Variants in FOLH1 observed in about 807,000 individuals in gnomAD.
FOLH1 encodes glutamate carboxypeptidase 2.
A neutral mutation model predicts 93.9 loss-of-function variants in FOLH1; 54 were observed. The ratio of observed to expected loss-of-function variants is 0.57; its 90% CI spans 0.46 to 0.72. The LOEUF (loss-of-function observed/expected upper bound fraction) is 0.72. Ranked by LOEUF, FOLH1 falls within the 30% of genes least tolerant of loss-of-function variation. The pLI, the probability that FOLH1 is intolerant of heterozygous loss-of-function variation, is 0.00. For synonymous variants in FOLH1, 249 were observed against 303.6 expected (o/e 0.82, Z 1.87); for missense variants, 571 against 892.5 (o/e 0.64, Z 4.59).
Position 49,208,493 on chromosome 11 carries a change from A to G in FOLH1, c.-84T>C. 1 of 929,972 alleles carries G rather than the reference A, an allele frequency of 1.1e-6. No homozygotes were observed. Among genetic ancestry groups the G allele is most frequent in the Non-Finnish European group, 1.6e-6 (1 of 613,152 alleles). 57.6% of individuals were successfully genotyped at this position (929,972 alleles called of 1,614,324 possible). A position where few individuals can be genotyped will look rare whatever the true frequency, so the allele number is the denominator to read the frequency against. On this transcript the variant is annotated 5_prime_UTR_variant, in exon 1 of 19. Transcript: ENST00000256999. ...CGCCCTCCAACCACCACGGCGGGGTAAAGTCTCTCTCAATCTCACTAATGC... is the reference window on the plus strand; with the variant it reads ...CGCCCTCCAACCACCACGGCGGGGTGAAGTCTCTCTCAATCTCACTAATGC...
intron 17 of FOLH1, among the ~76,000 whole-genome samples, chr11:49,152,029 T>C (rs1856558515): frequency 6.6e-6 from 1 of 152,148 alleles, no homozygotes; most frequent in South Asian, 2.1e-4. Context: ...TAAATAAAAA[T>C]TAATCAAATT....
intron 4 of FOLH1, among the ~76,000 whole-genome samples, chr11:49,190,091 A>G (rs1369264817): frequency 1.3e-5 from 2 of 152,202 alleles, no homozygotes; most frequent in African/African-American, 2.4e-5. Context: ...CAAAGTCATT[A>G]ACCAATGTGA....
intron 13 of FOLH1, among the ~76,000 whole-genome samples, chr11:49,162,424 C>G (rs1253382673): frequency 6.6e-6 from 1 of 152,054 alleles, no homozygotes; most frequent in African/African-American, 2.4e-5. Context: ...ATACTTGTGA[C>G]AGCATTTGTA....
In FOLH1 at chr11:49,146,849, G is replaced by A. The variant is rs1423032082; in HGVS notation, c.2160C>T (p.Asp720=). The A allele has an allele frequency of 6.2e-7, 1 of 1,613,392 alleles. No homozygotes were observed. Among genetic ancestry groups the A allele is most frequent in the Non-Finnish European group, 8.5e-7 (1 of 1,179,688 alleles). The change falls in exon 19 of 19, where the codon GAC becomes GAT. Residue 720 remains aspartate (D), a synonymous_variant. Coordinates refer to ENST00000256999, the MANE Select transcript of FOLH1 (RefSeq NM_004476.3). ...DALFDIESKV[D]PSKAWGEVKR... is the part of the protein sequence containing the mutation. ...TCACTTCTCCCCAGGCCTTGGAAGG[G>A]TCCACTTTGCTTTCAATATCAAACA...
At chr11:49,187,034 C>G (rs1861466738) in intron 4 of FOLH1, among the ~76,000 whole-genome samples, 1 of 149,254 alleles carries the variant, frequency 6.7e-6, no homozygotes, top group African/African-American at 2.4e-5. Flanking sequence ...GCTACAGAAG[C>G]ACCCCCCCCA....
rs757391966 is a variant in FOLH1 at position 49,169,185 on chromosome 11, C to T, written c.1372+10G>A. On this transcript the variant is annotated intron_variant, in intron 12 of 18. Transcript: ENST00000256999. The stretch of plus-strand genomic sequence containing the variant: ...ATCACATCTTTTCTTATGAGACCAA[C>T]GATATTCACCTTCTATAGATGAGTC... 1.5e-5 allele frequency: 24 copies of T among 1,612,336 alleles called. No individual in the cohort carries two copies. Among genetic ancestry groups the T allele is most frequent in the Middle Eastern group, 3.3e-4 (2 of 6,070 alleles).
intron 17 of FOLH1, among the ~76,000 whole-genome samples, chr11:49,149,857 A>G (rs1462003060): frequency 6.6e-6 from 1 of 152,206 alleles, no homozygotes; most frequent in Non-Finnish European, 1.5e-5. Context: ...CTTGAAAATA[A>G]AAGATTTAAT....
chr11:49,167,193 A>G (rs1186106923), intron 12 of FOLH1, among the ~76,000 whole-genome samples: 1 of 152,230 alleles, frequency 6.6e-6, no homozygotes, highest in Non-Finnish European at 1.5e-5. Context: ...AGTAGGTGTA[A>G]TGATACTAAT....
intron 11 of FOLH1, 134 bp downstream of exon 11, chr11:49,171,061 G>A (rs1859198856): frequency 9.7e-6 from 10 of 1,033,068 alleles, no homozygotes; most frequent in Non-Finnish European, 1.3e-5. Flanking sequence ...ACAAGAATAT[G>A]TTACTTCAGA....
Position 49,183,773 on chromosome 11 carries a change from G to A in FOLH1, c.827-531C>T, listed in dbSNP as rs186146323. Among the ~76,000 whole-genome samples the A allele has an allele frequency of 3.3e-5, 5 of 151,988 alleles. No individual in the cohort carries two copies. In the East Asian group the frequency reaches 9.7e-4, roughly 29 times the overall value. On this transcript the variant is annotated intron_variant, in intron 6 of 18. Coordinates refer to ENST00000256999, the MANE Select transcript of FOLH1 (RefSeq NM_004476.3). ...GCAAGGCTTTAAAAAAAAATCTACT[G>A]TTTGATTCCACTTACTTGAAGTTCA...
rs1250596111 is a variant in FOLH1, at chr11:49,200,404, G to C, written c.262C>G (p.Gln88Glu). The change falls in exon 3 of 19, where the codon CAA (glutamine) becomes GAA (glutamate). Residue 88 changes from glutamine to glutamate, a missense_variant. Physicochemically the swap from Gln to Glu is conservative, Grantham distance 29 (BLOSUM62 2). Transcript: ENST00000256999. ...ATTTGCTTTGCAAGCTGAAAGTTTT[G>C]TTCTGTTCCTGCTAAATGTGGTATC... ...TQIPHLAGTE[Q>E]NFQLAKQIQS... The C allele has an allele frequency of 6.2e-7, 1 of 1,613,358 alleles. No individual in the cohort carries two copies.
chr11:49,184,025 A>T (rs1000817978), intron 6 of FOLH1, among the ~76,000 whole-genome samples: 2 of 152,184 alleles, frequency 1.3e-5, no homozygotes, highest in Admixed American at 6.5e-5. Flanking sequence ...CAAAATAAGC[A>T]CACACATCCT....
In FOLH1 at chr11:49,186,685, T is replaced by A; in HGVS notation, c.598A>T (p.Ile200Phe). Residue 200 changes from isoleucine to phenylalanine, a missense_variant, in exon 5 of 19, where the codon ATT becomes TTT. This residue lies in a region of FOLH1 where 500 missense variants were observed against 822.9 expected (regional missense o/e 0.61). Coordinates refer to ENST00000256999, the MANE Select transcript of FOLH1 (RefSeq NM_004476.3). ...ACTTTCCCATATCTGGCAATTACAATTTTCCCAGAGCAATTGATTTTCATG... is the reference window on the plus strand; with the variant it reads ...ACTTTCCCATATCTGGCAATTACAAATTTCCCAGAGCAATTGATTTTCATG... Reference protein sequence around the residue: ...RDMKINCSGKIVIARYGKVFR... With the variant: ...RDMKINCSGKFVIARYGKVFR... 6.2e-7 allele frequency: 1 copy of A among 1,613,336 alleles called. No individual in the cohort carries two copies. Among genetic ancestry groups the A allele is most frequent in the Non-Finnish European group, 8.5e-7 (1 of 1,179,618 alleles).
intron 3 of FOLH1, among the ~76,000 whole-genome samples, chr11:49,195,893 C>T (rs966290956): frequency 6.6e-6 from 1 of 152,158 alleles, no homozygotes; most frequent in Admixed American, 6.5e-5. Context: ...CAATGGCTCA[C>T]GCCTGTAATC....
rs375761552 is a variant in FOLH1, at chr11:49,191,410, A to G, written c.513+1383T>C. On this transcript the variant is annotated intron_variant, in intron 4 of 18. Coordinates refer to ENST00000256999, the MANE Select transcript of FOLH1 (RefSeq NM_004476.3). ...GATGATCCAGTGAGGAACACCGATC[A>G]GCAAACTCATCTGATATTTGAACAT... 4.9e-4 allele frequency among the ~76,000 whole-genome samples: 75 copies of G among 152,384 alleles called. 1 individual carries two copies. In the South Asian group the frequency reaches 0.015, roughly 31 times the overall value.
At chr11:49,199,333 A>G (rs1863020489) in intron 3 of FOLH1, among the ~76,000 whole-genome samples, 1 of 152,238 alleles carries the variant, frequency 6.6e-6, no homozygotes, top group South Asian at 2.1e-4. Context: ...ACATCATAAT[A>G]AATATATCAA....
At chr11:49,149,576 A>T (rs1046638977) in intron 17 of FOLH1, among the ~76,000 whole-genome samples, 1 of 152,128 alleles carries the variant, frequency 6.6e-6, no homozygotes, top group African/African-American at 2.4e-5. Flanking sequence ...TTTTTTTTTA[A>T]GTTTCTATAA....
chr11:49,205,264 T>C lies in FOLH1; in HGVS notation c.224+803A>G, dbSNP rs188465147. Among the ~76,000 whole-genome samples the C allele has an allele frequency of 5.3e-5, 8 of 152,218 alleles. No homozygotes were observed. In the East Asian group the frequency reaches 5.8e-4, roughly 11 times the overall value. On this transcript the variant is annotated intron_variant, in intron 2 of 18. Transcript: ENST00000256999. The stretch of plus-strand genomic sequence containing the variant: ...AACAAGTATTCTAATCAATTATATA[T>C]AGTAATTCTATATAAGTATTTTCTT...
intron 2 of FOLH1, among the ~76,000 whole-genome samples, chr11:49,201,999 C>T (rs1390253149): frequency 6.6e-6 from 1 of 152,172 alleles, no homozygotes; most frequent in Non-Finnish European, 1.5e-5. Flanking sequence ...AAAACACATC[C>T]TGGAAAAGAT....
Sources: allele counts gnomAD v4.1 joint callset (sites outside exome capture counted in the v4.1 genomes callset), GRCh38; gene constraint gnomAD v4.1.1; regional missense constraint gnomAD v4.1.1; transcripts MANE v1.5; gene names NCBI Gene and HGNC (gene_info 2026-07-23, HGNC 2026-07-21).